FER: variants seen among roughly 807,000 people sequenced by gnomAD.
FER encodes FER tyrosine kinase, also known as tyrosine-protein kinase Fer.
FER carries 63 observed loss-of-function variants against 111.0 expected under a neutral mutation model. That is an observed-to-expected ratio of 0.57 (90% CI 0.46 to 0.70). The LOEUF (loss-of-function observed/expected upper bound fraction) is 0.70, where lower values mean the gene tolerates loss of function less well. Among genes scored for constraint, FER ranks in the 30% least tolerant of loss-of-function variants. The pLI is 0.00. For synonymous variants in FER, 327 were observed against 313.9 expected, an observed-to-expected ratio of 1.04 and a Z score of -0.44; for missense variants, 914 against 954.0, an observed-to-expected ratio of 0.96 and a Z score of 0.55.
At chr5:109,120,539 C>A (rs534921077) in intron 17 of FER, among the ~76,000 whole-genome samples, 1 of 152,084 alleles carries the variant, frequency 6.6e-6, no homozygotes, top group African/African-American at 2.4e-5. Context: ...AATGTGTTTC[C>A]TCCAATTCTG....
intron 17 of FER, among the ~76,000 whole-genome samples, chr5:109,173,756 T>TC (rs143786447): frequency 0.042 from 5,103 of 121,392 alleles, 178 homozygotes; most frequent in African/African-American, 0.087. Context: ...AATATGTACC[T>TC]CCCCCCCCCC....
At chr5:109,021,832 G>T (rs1767970424) in intron 13 of FER, among the ~76,000 whole-genome samples, 1 of 152,014 alleles carries the variant, frequency 6.6e-6, no homozygotes, top group Admixed American at 6.6e-5. Flanking sequence ...GTTTTTTCAT[G>T]TTGCATTACT....
rs1474391112 is a variant in FER at position 108,867,958 on chromosome 5, A to T, written c.665+8A>T. Reference sequence around the variant, plus strand: ...AGAAATGATAAAAGCACTGTAAGATACATTTTCTTTTTATCATAAAATCCC... The same window carrying T: ...AGAAATGATAAAAGCACTGTAAGATTCATTTTCTTTTTATCATAAAATCCC... On this transcript the variant is annotated splice_region_variant and intron_variant, in intron 6 of 19. Transcript: ENST00000281092. 7 of 1,591,732 alleles carry T rather than the reference A, an allele frequency of 4.4e-6. No individual in the cohort carries two copies. The African/African-American group carries it at 9.5e-5, about 22-fold the overall frequency.
At chr5:108,804,921 C>T (rs1198911784) in intron 3 of FER, among the ~76,000 whole-genome samples, 1 of 149,186 alleles carries the variant, frequency 6.7e-6, no homozygotes, top group Non-Finnish European at 1.5e-5. Context: ...ATTGGTACTA[C>T]CTCTTTGTAC....
At chr5:109,034,479 C>G (rs985557311) in intron 13 of FER, among the ~76,000 whole-genome samples, 1 of 151,816 alleles carries the variant, frequency 6.6e-6, no homozygotes, top group Non-Finnish European at 1.5e-5. Flanking sequence ...CTTGCAGGCC[C>G]TGAACTCTCT....
chr5:109,007,471 A>C (rs530367673), intron 13 of FER, among the ~76,000 whole-genome samples: 1 of 152,172 alleles, frequency 6.6e-6, no homozygotes, highest in Non-Finnish European at 1.5e-5. Context: ...TTTCTAGTCA[A>C]CCCAGCTACT....
intron 17 of FER, among the ~76,000 whole-genome samples, chr5:109,152,269 GA>G (rs1293044665): frequency 6.6e-6 from 1 of 151,904 alleles, no homozygotes; most frequent in Admixed American, 6.6e-5. Context: ...AGATGGTCTA[GA>G]TTTTTTTTAA....
intron 10 of FER, among the ~76,000 whole-genome samples, chr5:108,913,892 C>T (rs980880822): frequency 6.6e-6 from 1 of 152,106 alleles, no homozygotes; most frequent in South Asian, 2.1e-4. Flanking sequence ...AGTGAAAAGA[C>T]ACCAGACATT....
At chr5:109,112,006 CTTA>C (rs1259843496) in intron 17 of FER, among the ~76,000 whole-genome samples, 1 of 152,130 alleles carries the variant, frequency 6.6e-6, no homozygotes, top group Admixed American at 6.6e-5. Context: ...AAAACACCTG[CTTA>C]TTATGCTCTT....
chr5:109,165,386 G>C (rs1020515505), intron 17 of FER, among the ~76,000 whole-genome samples: 1 of 152,158 alleles, frequency 6.6e-6, no homozygotes, highest in Non-Finnish European at 1.5e-5. Context: ...AAAAGTGGTA[G>C]TAGTAGAATC....
At chr5:109,095,832 T>A (rs1747445831) in intron 16 of FER, among the ~76,000 whole-genome samples, 1 of 152,082 alleles carries the variant, frequency 6.6e-6, no homozygotes, top group Non-Finnish European at 1.5e-5. Context: ...TACTAGCCTA[T>A]TTTTTAACAA....
chr5:108,869,389 G>A (rs920777379), intron 6 of FER, among the ~76,000 whole-genome samples: 1 of 152,114 alleles, frequency 6.6e-6, no homozygotes, highest in Non-Finnish European at 1.5e-5. Context: ...GTAGTGATTT[G>A]AAGAATGTAC....
chr5:108,819,768 A>G, intron 3 of FER: 4 of 983,216 alleles, frequency 4.1e-6, no homozygotes, highest in Non-Finnish European at 4.8e-6. Context: ...TTTAAAATAG[A>G]GATTCAGAAG....
intron 9 of FER, among the ~76,000 whole-genome samples, chr5:108,886,324 G>A (rs908252323): frequency 2.0e-5 from 3 of 151,070 alleles, no homozygotes; most frequent in Admixed American, 6.6e-5. Context: ...GCCTTGAAGG[G>A]TAGTGGATAT....
intron 17 of FER, among the ~76,000 whole-genome samples, chr5:109,125,601 C>T (rs990293489): frequency 5.3e-5 from 8 of 152,148 alleles, no homozygotes; most frequent in Admixed American, 2.6e-4. Context: ...GGTGAAGATT[C>T]AGTGTAAAGT....
intron 10 of FER, among the ~76,000 whole-genome samples, chr5:108,928,235 G>A (rs76614788): frequency 0.022 from 3,390 of 152,176 alleles, 51 homozygotes; most frequent in Non-Finnish European, 0.032. Flanking sequence ...TAGATGTTAC[G>A]GTGGATTTTA....
At chr5:109,159,797 G>T (rs1430039695) in intron 17 of FER, among the ~76,000 whole-genome samples, 2 of 152,170 alleles carry the variant, frequency 1.3e-5, no homozygotes, top group East Asian at 3.9e-4. Context: ...GCGAATAGTC[G>T]CAGCCCACCC....
intron 13 of FER, among the ~76,000 whole-genome samples, chr5:109,012,316 G>A (rs1766384235): frequency 6.6e-6 from 1 of 152,192 alleles, no homozygotes; most frequent in Non-Finnish European, 1.5e-5. Flanking sequence ...AGCAGCTGTT[G>A]TGGAGAATTG....
At chr5:108,835,280 C>T (rs1233715729) in intron 4 of FER, among the ~76,000 whole-genome samples, 1 of 138,036 alleles carries the variant, frequency 7.2e-6, no homozygotes, top group African/African-American at 2.7e-5. Flanking sequence ...CTCCCAGGTT[C>T]AAGCGATTCT....
Sources: allele counts gnomAD v4.1 joint callset (sites outside exome capture counted in the v4.1 genomes callset), GRCh38; gene constraint gnomAD v4.1.1; transcripts MANE v1.5; gene names NCBI Gene and HGNC (gene_info 2026-07-23, HGNC 2026-07-21).